Variants in CBR4 observed in about 807,000 individuals in gnomAD.
CBR4 encodes 3-oxoacyl-[acyl-carrier-protein] reductase.
In CBR4, 22 loss-of-function variants were observed where a neutral mutation model predicts 21.0. The ratio of observed to expected loss-of-function variants is 1.05; its 90% CI spans 0.75 to 1.50. The LOEUF (loss-of-function observed/expected upper bound fraction) is 1.50. Ranked by LOEUF, CBR4 falls within the 40% of genes most tolerant of loss-of-function variation. CBR4 has a pLI of 0.00. For missense variants in CBR4, 302 were observed against 286.3 expected, an observed-to-expected ratio of 1.05 and a Z score of -0.40; for synonymous variants, 100 against 104.4, an observed-to-expected ratio of 0.96 and a Z score of 0.26.
At position 169,006,767 on chromosome 4, in the gene CBR4, T is replaced by G; in HGVS notation, c.388A>C (p.Ile130Leu). The G allele has an allele frequency of 6.2e-7, 1 of 1,613,792 alleles. No individual in the cohort carries two copies. The highest frequency in any genetic ancestry group is 2.2e-5 in the East Asian group (1 of 44,876). Residue 130 changes from isoleucine to leucine, a missense_variant, in exon 3 of 5, where the codon ATT becomes CTT. Physicochemically the swap from Ile to Leu is conservative, Grantham distance 5. Coordinates refer to ENST00000306193, the MANE Select transcript of CBR4 (RefSeq NM_032783.5). ...RTMIQQQGGSIVNVGSIVGLK... is the reference protein window; with the variant it reads ...RTMIQQQGGSLVNVGSIVGLK... ...GGTGAAGACTCACCTACATTAACAATAGACCCTCCCTGTTGTTGAATCATA... is the reference window on the plus strand; with the variant it reads ...GGTGAAGACTCACCTACATTAACAAGAGACCCTCCCTGTTGTTGAATCATA...
chr4:168,995,005 T>C (rs1385165484), intron 4 of CBR4, among the ~76,000 whole-genome samples: 3 of 152,092 alleles, frequency 2.0e-5, no homozygotes, highest in Non-Finnish European at 4.4e-5. Context: ...CAGCCTGCCT[T>C]GGTCTCCCAA....
downstream of CBR4, among the ~76,000 whole-genome samples, chr4:168,982,671 T>TA (rs1486408921): frequency 6.6e-6 from 1 of 152,112 alleles, no homozygotes; most frequent in East Asian, 1.9e-4. Flanking sequence ...CACTGGGCCA[T>TA]AAAGCAATTC....
chr4:169,005,541 G>C (rs988625232), intron 3 of CBR4, among the ~76,000 whole-genome samples: 3 of 152,174 alleles, frequency 2.0e-5, no homozygotes, highest in African/African-American at 7.2e-5. Context: ...GCATGCATAA[G>C]GAGGACTAAT....
chr4:168,933,651 C>T (rs1763026273), intron 2 of CBR4, among the ~76,000 whole-genome samples: 1 of 152,158 alleles, frequency 6.6e-6, no homozygotes, highest in Non-Finnish European at 1.5e-5. Context: ...AACTGTACTA[C>T]AGACTAAATG....
intron 2 of CBR4, 31 bp from the exon 3 acceptor site, chr4:169,006,922 T>C (rs766402394): frequency 6.3e-7 from 1 of 1,575,760 alleles, no homozygotes; most frequent in Non-Finnish European, 8.7e-7. Context: ...TAATAGCATA[T>C]AATAACAAGA....
intron 3 of CBR4, among the ~76,000 whole-genome samples, chr4:169,004,593 A>G (rs891003716): frequency 2.6e-5 from 4 of 152,258 alleles, no homozygotes; most frequent in African/African-American, 9.6e-5. Flanking sequence ...TTGTTTATCC[A>G]TACATAAGAA....
chr4:169,007,967 A>G (rs1016758456), intron 1 of CBR4, among the ~76,000 whole-genome samples: 20 of 152,212 alleles, frequency 1.3e-4, no homozygotes, highest in Non-Finnish European at 2.9e-4. Flanking sequence ...CTACTACAGA[A>G]AGTTAATTTT....
chr4:168,991,447 T>C (rs368757848), intron 4 of CBR4, among the ~76,000 whole-genome samples: 5 of 152,208 alleles, frequency 3.3e-5, no homozygotes, highest in East Asian at 1.9e-4. Context: ...TAGCTGATGA[T>C]TAGAAAGGCC....
intron 2 of CBR4, chr4:168,898,347 A>T: frequency 2.6e-5 from 18 of 679,554 alleles, no homozygotes; most frequent in Middle Eastern, 7.8e-4. Flanking sequence ...TTTGTTTCAT[A>T]TGCAATTGAA....
intron 2 of CBR4, among the ~76,000 whole-genome samples, chr4:168,907,467 G>A (rs1758038156): frequency 6.6e-6 from 1 of 152,126 alleles, no homozygotes; most frequent in South Asian, 2.1e-4. Context: ...CAGCAGATGT[G>A]GCTGTGCCAC....
At chr4:168,917,530 C>G (rs552474205) in intron 2 of CBR4, among the ~76,000 whole-genome samples, 1 of 152,088 alleles carries the variant, frequency 6.6e-6, no homozygotes, top group East Asian at 1.9e-4. Context: ...TTTTTTGCCC[C>G]CTGTTTACTG....
At chr4:168,986,828 G>C (rs920376501), downstream of CBR4, among the ~76,000 whole-genome samples, 1 of 152,116 alleles carries the variant, frequency 6.6e-6, no homozygotes, top group Non-Finnish European at 1.5e-5. Flanking sequence ...TGTTGTCTCA[G>C]CCACTTGGGA....
In CBR4 at chr4:169,007,577, T is replaced by C. The variant is rs187966410; in HGVS notation, c.263+59A>G. 1.0e-5 allele frequency: 11 copies of C among 1,056,302 alleles called. No individual in the cohort carries two copies. The African/African-American group carries it at 1.2e-4, about 11-fold the overall frequency. The allele number at this position is 1,056,302 out of a possible 1,614,324, so 65.4% of individuals were successfully genotyped here. ...TATTAACTTATACCAATCAAAGACA[T>C]ATTAGGAATAAAAGTTTTAAATATA... On this transcript the variant is annotated intron_variant, in intron 2 of 4. Transcript: ENST00000306193.
chr4:168,950,708 G>T (rs973917952), intron 2 of CBR4, among the ~76,000 whole-genome samples: 2 of 152,066 alleles, frequency 1.3e-5, no homozygotes, highest in East Asian at 1.9e-4. Context: ...CACTATTATT[G>T]TGTTGCTTTC....
chr4:169,005,790 T>C (rs912574201), intron 3 of CBR4: 4 of 848,064 alleles, frequency 4.7e-6, no homozygotes, highest in Non-Finnish European at 6.8e-6. Flanking sequence ...TTTATTAGCA[T>C]AGTATTCTTT....
At chr4:168,996,062 G>C (rs558608258) in intron 4 of CBR4, among the ~76,000 whole-genome samples, 1 of 152,094 alleles carries the variant, frequency 6.6e-6, no homozygotes, top group Non-Finnish European at 1.5e-5. Context: ...AGAAGATAAG[G>C]GTGTGATTTA....
chr4:168,960,759 A>G (rs933087800), intron 2 of CBR4, among the ~76,000 whole-genome samples: 1 of 152,344 alleles, frequency 6.6e-6, no homozygotes, highest in South Asian at 2.1e-4. Flanking sequence ...GCCACAAGAA[A>G]GAAATAAGTT....
intron 4 of CBR4, chr4:169,001,019 C>G (rs1298528852): frequency 2.0e-5 from 3 of 152,076 alleles, no homozygotes; most frequent in Non-Finnish European, 2.9e-5. Flanking sequence ...GGGTCTCGCT[C>G]TGTCACCTAG....
At chr4:168,976,382 A>G (rs368901568) in intron 2 of CBR4, among the ~76,000 whole-genome samples, 2 of 152,222 alleles carry the variant, frequency 1.3e-5, no homozygotes, top group South Asian at 4.1e-4. Flanking sequence ...GTCCATGTGA[A>G]GAGTCCACCA....
Sources: allele counts gnomAD v4.1 joint callset (sites outside exome capture counted in the v4.1 genomes callset), GRCh38; gene constraint gnomAD v4.1.1; transcripts MANE v1.5; gene names NCBI Gene and HGNC (gene_info 2026-07-23, HGNC 2026-07-21).